The following LAMC1 variants were observed in gnomAD, a reference collection of about 807,000 sequenced individuals.
The protein encoded by LAMC1 is laminin subunit gamma-1.
LAMC1 carries 38 observed loss-of-function variants against 173.6 expected under a neutral mutation model. The ratio of observed to expected loss-of-function variants is 0.22; its 90% confidence interval spans 0.17 to 0.29. The LOEUF is 0.29. Ranked by LOEUF, LAMC1 falls within the 10% of genes least tolerant of loss-of-function variation. The pLI, the probability that LAMC1 is intolerant of heterozygous loss-of-function variation, is 1.00. For missense variants in LAMC1, 1,824 were observed against 2,051.8 expected (o/e 0.89, Z 2.14); for synonymous variants, 746 against 749.1 (o/e 1.00, Z 0.07).
At position 183,103,412 on chromosome 1, in the gene LAMC1, A is replaced by T; in HGVS notation, c.503A>T (p.Glu168Val). The T allele has an allele frequency of 6.2e-7, 1 of 1,614,164 alleles. No homozygotes were observed. Among genetic ancestry groups the T allele is most frequent in the Non-Finnish European group, 8.5e-7 (1 of 1,180,030 alleles). The change falls in exon 2 of 28, where the codon GAA becomes GTA. Residue 168 changes from glutamate (E) to valine (V), a missense_variant. Physicochemically the swap from Glu to Val is moderately radical, Grantham distance 121. Transcript: ENST00000258341. ...ESFAIYKRTR[E>V]DGPWIPYQYY... The stretch of plus-strand genomic sequence containing the variant: ...TTTGCCATTTACAAGCGCACACGGG[A>T]AGACGGGCCCTGGATTCCTTACCAG...
chr1:183,136,116 G>A (rs1436831714), intron 24 of LAMC1, among the ~76,000 whole-genome samples: 1 of 152,180 alleles, frequency 6.6e-6, no homozygotes, highest in African/African-American at 2.4e-5. Context: ...AATGGTTGAG[G>A]TAGTGGTAAT....
At position 183,136,383 on chromosome 1, in the gene LAMC1, C is replaced by G; in HGVS notation, c.4115-3C>G. On this transcript the variant is annotated splice_region_variant and splice_polypyrimidine_tract_variant and intron_variant, in intron 24 of 27. Transcript: ENST00000258341. ...CTCAAATGTGTCCTTGAACTTGTTT[C>G]AGATTTTGATAGGCGTGTGAACGAT... 1 of 1,613,814 alleles carries G rather than the reference C, an allele frequency of 6.2e-7. No individual in the cohort carries two copies. The highest frequency in any genetic ancestry group is 8.5e-7 in the Non-Finnish European group (1 of 1,179,768).
At chr1:183,043,285 C>T (rs554461240) in intron 1 of LAMC1, among the ~76,000 whole-genome samples, 2 of 152,194 alleles carry the variant, frequency 1.3e-5, no homozygotes, top group South Asian at 4.1e-4. Flanking sequence ...TCGTACGAAA[C>T]AGACTGATGA....
Position 183,116,568 on chromosome 1 carries a change from A to T in LAMC1, c.1329-9A>T. 1 of 1,562,434 alleles carries T rather than the reference A, an allele frequency of 6.4e-7. No homozygotes were observed. Among genetic ancestry groups the T allele is most frequent in the Admixed American group, 1.8e-5 (1 of 56,924 alleles). ...TCTCTGATTGTTTTATCCATTTTTC[A>T]TTGAATAGGCCATGCTCTTGTGATC... On this transcript the variant is annotated splice_polypyrimidine_tract_variant and intron_variant, in intron 6 of 27. Transcript: ENST00000258341.
intron 2 of LAMC1, among the ~76,000 whole-genome samples, chr1:183,105,603 G>A (rs1160706554): frequency 1.3e-5 from 2 of 149,994 alleles, no homozygotes; most frequent in African/African-American, 4.9e-5. Flanking sequence ...GAGACTGTGT[G>A]GTAAAAATGC....
At chr1:183,048,125 A>G (rs1031794076) in intron 1 of LAMC1, among the ~76,000 whole-genome samples, 1 of 152,210 alleles carries the variant, frequency 6.6e-6, no homozygotes, top group African/African-American at 2.4e-5. Context: ...TCAAATGTAA[A>G]TAAAAGTGTT....
At chr1:183,041,113 G>C (rs1345108869) in intron 1 of LAMC1, among the ~76,000 whole-genome samples, 1 of 152,178 alleles carries the variant, frequency 6.6e-6, no homozygotes, top group Non-Finnish European at 1.5e-5. Context: ...GGAAGTCAAA[G>C]AAGGGGGAGC....
chr1:183,079,436 G>T (rs574065921), intron 1 of LAMC1, among the ~76,000 whole-genome samples: 34 of 151,002 alleles, frequency 2.3e-4, no homozygotes, highest in African/African-American at 7.5e-4. Context: ...TGTATTTTTT[G>T]GTAGAGACGG....
chr1:183,117,822 AC>A, intron 10 of LAMC1, 99 bp downstream of exon 10: 1 of 1,108,914 alleles, frequency 9.0e-7, no homozygotes, highest in Non-Finnish European at 1.3e-6. Flanking sequence ...TTAAAGAAAA[AC>A]TTCTGGGTTA....
chr1:183,077,349 T>C (rs1361636116), intron 1 of LAMC1, among the ~76,000 whole-genome samples: 1 of 152,226 alleles, frequency 6.6e-6, no homozygotes, highest in African/African-American at 2.4e-5. Flanking sequence ...TGCCTTTCCC[T>C]GTATCCTCTT....
chr1:183,042,342 C>T (rs778217772), intron 1 of LAMC1, among the ~76,000 whole-genome samples: 2 of 152,076 alleles, frequency 1.3e-5, no homozygotes, highest in Non-Finnish European at 2.9e-5. Context: ...ATCTTACCTC[C>T]CCAAAGTGCC....
At chr1:183,095,307 A>G (rs576257156) in intron 1 of LAMC1, among the ~76,000 whole-genome samples, 20 of 152,034 alleles carry the variant, frequency 1.3e-4, no homozygotes, top group African/African-American at 4.8e-4. Flanking sequence ...AGGTATTAGA[A>G]TCTTGTTTTT....
At chr1:183,125,714 A>T (rs1317996786) in intron 15 of LAMC1, among the ~76,000 whole-genome samples, 164 bp downstream of exon 15, 2 of 152,254 alleles carry the variant, frequency 1.3e-5, no homozygotes, top group African/African-American at 4.8e-5. Context: ...AATAAAGCTA[A>T]TGAAAGAAAG....
intron 1 of LAMC1, among the ~76,000 whole-genome samples, chr1:183,036,396 C>CTTTTTT (rs768370901): frequency 9.3e-5 from 9 of 96,594 alleles, no homozygotes; most frequent in African/African-American, 2.4e-4. Context: ...CCACGCCAGT[C>CTTTTTT]TTTTTTTTTT....
intron 1 of LAMC1, among the ~76,000 whole-genome samples, chr1:183,031,779 T>A (rs2102007501): frequency 6.6e-6 from 1 of 152,336 alleles, no homozygotes; most frequent in South Asian, 2.1e-4. Flanking sequence ...CTTCAAGTTG[T>A]CAGCTTGAAA....
At chr1:183,055,716 G>A (rs529775309) in intron 1 of LAMC1, among the ~76,000 whole-genome samples, 1 of 152,062 alleles carries the variant, frequency 6.6e-6, no homozygotes, top group African/African-American at 2.4e-5. Context: ...GGAGGCTGAG[G>A]CAGGATAATC....
At chr1:183,082,708 A>G (rs1655311304) in intron 1 of LAMC1, among the ~76,000 whole-genome samples, 1 of 152,226 alleles carries the variant, frequency 6.6e-6, no homozygotes, top group South Asian at 2.1e-4. Flanking sequence ...ATTGGTGATG[A>G]AAGTATCTTT....
chr1:183,129,661 A>G (rs908214487), intron 18 of LAMC1, among the ~76,000 whole-genome samples: 7 of 151,878 alleles, frequency 4.6e-5, no homozygotes, highest in Non-Finnish European at 8.8e-5. Context: ...GTTTTTATAT[A>G]TTAATAAAAC....
chr1:183,081,951 T>G (rs1395010601), intron 1 of LAMC1, among the ~76,000 whole-genome samples: 1 of 152,212 alleles, frequency 6.6e-6, no homozygotes, highest in Non-Finnish European at 1.5e-5. Context: ...CCTTTTACTG[T>G]CTCCTTTCCC....
Sources: gnomAD v4.1 joint callset for allele counts (sites outside exome capture counted in the v4.1 genomes callset) on GRCh38, gnomAD v4.1.1 for gene constraint, MANE v1.5 for transcripts, NCBI Gene and HGNC (gene_info 2026-07-23, HGNC 2026-07-21) for gene names.